Variants in LPGAT1 observed in about 807,000 individuals in gnomAD.
The protein encoded by LPGAT1 is acyl-CoA:lysophosphatidylglycerol acyltransferase 1.
Under a neutral mutation model 47.5 loss-of-function variants are expected in LPGAT1, and 11 were observed. The ratio of observed to expected loss-of-function variants is 0.23; its 90% CI spans 0.15 to 0.38. The LOEUF (loss-of-function observed/expected upper bound fraction) is 0.38. Ranked by LOEUF, LPGAT1 falls within the 10% of genes least tolerant of loss-of-function variation. LPGAT1 has a pLI of 1.00. For missense variants in LPGAT1, 293 were observed against 439.0 expected (o/e 0.67, Z 2.97); for synonymous variants, 138 against 144.2 (o/e 0.96, Z 0.31).
At chr1:211,808,849 T>A (rs983586645) in intron 2 of LPGAT1, among the ~76,000 whole-genome samples, 1 of 152,174 alleles carries the variant, frequency 6.6e-6, no homozygotes, top group African/African-American at 2.4e-5. Flanking sequence ...TGTTTCGTGT[T>A]TATTTTCTTC....
At chr1:211,750,186 ATTTTAT>A in intron 7 of LPGAT1, 136 bp from the exon 8 acceptor site, 1 of 720,938 alleles carries the variant, frequency 1.4e-6, no homozygotes, top group South Asian at 1.8e-5. Context: ...CAGAGGAGAG[ATTTTAT>A]TTGAAATACA....
At chr1:211,784,006 G>A (rs1038635757) in intron 4 of LPGAT1, among the ~76,000 whole-genome samples, 1 of 152,220 alleles carries the variant, frequency 6.6e-6, no homozygotes, top group Non-Finnish European at 1.5e-5. Flanking sequence ...GATAATGTGA[G>A]GGAATAAGTC....
At chr1:211,796,271 A>G (rs955016001) in intron 2 of LPGAT1, among the ~76,000 whole-genome samples, 1 of 152,130 alleles carries the variant, frequency 6.6e-6, no homozygotes, top group African/African-American at 2.4e-5. Flanking sequence ...TGTCCCCCCA[A>G]AATCTGTGAA....
chr1:211,764,819 T>A (rs906225793), intron 6 of LPGAT1, among the ~76,000 whole-genome samples: 1 of 152,148 alleles, frequency 6.6e-6, no homozygotes, highest in Admixed American at 6.5e-5. Flanking sequence ...GCAGATACTT[T>A]TGAGTGACTT....
At chr1:211,806,628 T>C (rs1659773556) in intron 2 of LPGAT1, among the ~76,000 whole-genome samples, 1 of 152,170 alleles carries the variant, frequency 6.6e-6, no homozygotes, top group African/African-American at 2.4e-5. Flanking sequence ...AATATACTCA[T>C]GTAACAAACC....
At chr1:211,818,712 C>A (rs72746563) in intron 2 of LPGAT1, among the ~76,000 whole-genome samples, 12,581 of 152,222 alleles carry the variant, frequency 0.083, 652 homozygotes, top group Admixed American at 0.15. Context: ...CAAGGCAGAC[C>A]AGACCCTAGA....
chr1:211,776,111 T>C (rs2102526479), intron 6 of LPGAT1, among the ~76,000 whole-genome samples: 1 of 152,112 alleles, frequency 6.6e-6, no homozygotes, highest in South Asian at 2.1e-4. Context: ...GCTCTATAGA[T>C]AACATTTTAC....
chr1:211,756,968 A>G (rs1412874894), intron 6 of LPGAT1, among the ~76,000 whole-genome samples: 10 of 151,468 alleles, frequency 6.6e-5, no homozygotes, highest in Non-Finnish European at 1.5e-4. Flanking sequence ...TTAAGCATAC[A>G]AACTATCACG....
intron 2 of LPGAT1, among the ~76,000 whole-genome samples, chr1:211,815,647 A>G (rs1005425152): frequency 1.3e-5 from 2 of 151,988 alleles, no homozygotes; most frequent in East Asian, 3.9e-4. Context: ...CTTAATATGC[A>G]CTACAAAGCT....
Position 211,748,327 on chromosome 1 carries a change from A to C in LPGAT1, c.*1572T>G, listed in dbSNP as rs1284636190. Reference sequence around the variant, plus strand: ...GGTTCTCTTATGAGGTAAATTGTACAAACATCGCAACAAATTTCTAAAAAA... The same window carrying C: ...GGTTCTCTTATGAGGTAAATTGTACCAACATCGCAACAAATTTCTAAAAAA... On this transcript the variant is annotated 3_prime_UTR_variant, in exon 8 of 8. Coordinates refer to ENST00000366997, the MANE Select transcript of LPGAT1 (RefSeq NM_014873.3). 2.0e-5 allele frequency: 3 copies of C among 152,414 alleles called. No homozygotes were observed. In the East Asian group the frequency reaches 5.8e-4, roughly 29 times the overall value. 9.4% of individuals were successfully genotyped at this position (152,414 alleles called of 1,614,324 possible).
At chr1:211,782,075 G>A (rs1658663709) in intron 5 of LPGAT1, among the ~76,000 whole-genome samples, 1 of 152,156 alleles carries the variant, frequency 6.6e-6, no homozygotes, top group Admixed American at 6.5e-5. Flanking sequence ...CTACTGCCTT[G>A]TTGTTTACAG....
chr1:211,785,003 C>T (rs1420552193), intron 4 of LPGAT1, among the ~76,000 whole-genome samples: 1 of 152,006 alleles, frequency 6.6e-6, no homozygotes, highest in Admixed American at 6.6e-5. Context: ...TGGGATTTCA[C>T]CGTGTTAGCC....
chr1:211,792,955 C>A (rs1659194060), intron 3 of LPGAT1, 117 bp downstream of exon 3: 3 of 614,680 alleles, frequency 4.9e-6, no homozygotes, highest in Non-Finnish European at 8.6e-6. Context: ...CATGATCCAC[C>A]CACCTCAGCC....
chr1:211,775,270 T>C (rs1159913474), intron 6 of LPGAT1, among the ~76,000 whole-genome samples: 1 of 152,194 alleles, frequency 6.6e-6, no homozygotes, highest in Non-Finnish European at 1.5e-5. Context: ...TGAGCCGAGA[T>C]TGTGCCACTG....
chr1:211,802,176 T>C (rs144701738), intron 2 of LPGAT1, among the ~76,000 whole-genome samples: 177 of 152,034 alleles, frequency 1.2e-3, no homozygotes, highest in African/African-American at 3.8e-3. Context: ...TTCACTTCTT[T>C]TCTATGAAGC....
chr1:211,764,000 T>C (rs1345274024), intron 6 of LPGAT1, among the ~76,000 whole-genome samples: 3 of 152,096 alleles, frequency 2.0e-5, no homozygotes, highest in Non-Finnish European at 2.9e-5. Context: ...GGTGAAACTC[T>C]GTCTCTACTA....
intron 2 of LPGAT1, among the ~76,000 whole-genome samples, chr1:211,819,098 C>T (rs1172273987): frequency 6.6e-6 from 1 of 152,124 alleles, no homozygotes; most frequent in Non-Finnish European, 1.5e-5. Flanking sequence ...ATGGACATAG[C>T]AGCATTATAG....
chr1:211,768,380 C>G (rs1658027613), intron 6 of LPGAT1, among the ~76,000 whole-genome samples: 1 of 152,154 alleles, frequency 6.6e-6, no homozygotes. Context: ...AAAAAACACT[C>G]AAATAGTACA....
At position 211,830,217 on chromosome 1, in the gene LPGAT1, G is replaced by C; in HGVS notation, c.-28+356C>G. The C allele has an allele frequency of 1.0e-6, 1 of 983,492 alleles. No homozygotes were observed. Among genetic ancestry groups the C allele is most frequent in the Non-Finnish European group, 1.2e-6 (1 of 829,366 alleles). The allele number at this position is 983,492 out of a possible 1,614,324, so 60.9% of individuals were successfully genotyped here. A position where few individuals can be genotyped will look rare whatever the true frequency, so the allele number is the denominator to read the frequency against. Reference sequence around the variant, plus strand: ...CGCGGACGGCGGGCGGCTGCGGAGAGCGGGGGCGGGTGTCCCCCGCCGAGG... The same window carrying C: ...CGCGGACGGCGGGCGGCTGCGGAGACCGGGGGCGGGTGTCCCCCGCCGAGG... On this transcript the variant is annotated intron_variant, in intron 1 of 7. Transcript: ENST00000366997. The surrounding 1 kb of genome is among the most constrained non-coding windows in gnomAD (Gnocchi z 5.9).
Sources: gnomAD v4.1 joint callset for allele counts (sites outside exome capture counted in the v4.1 genomes callset) on GRCh38, gnomAD v4.1.1 for gene constraint, Gnocchi (gnomAD v3.1) non-coding constraint, MANE v1.5 for transcripts, NCBI Gene and HGNC (gene_info 2026-07-23, HGNC 2026-07-21) for gene names.